Variants in PPP1R1C observed in about 807,000 individuals in gnomAD.
The protein encoded by PPP1R1C is protein phosphatase 1 regulatory inhibitor subunit 1C.
Under a neutral mutation model 17.4 loss-of-function variants are expected in PPP1R1C, and 15 were observed. The observed-to-expected ratio is 0.86, with a 90% confidence interval of 0.58 to 1.33. The LOEUF is 1.33. Among genes scored for constraint, PPP1R1C ranks in the 40% most tolerant of loss-of-function variants. The pLI is 0.00. For synonymous variants in PPP1R1C, 35 were observed against 43.1 expected (o/e 0.81, Z 0.73); for missense variants, 143 against 130.0 (o/e 1.10, Z -0.48).
At chr2:181,995,145 G>C (rs543735890) in intron 2 of PPP1R1C, among the ~76,000 whole-genome samples, 1 of 152,222 alleles carries the variant, frequency 6.6e-6, no homozygotes, top group South Asian at 2.1e-4. Flanking sequence ...CATTTTTGTA[G>C]TAAAAACAAT....
chr2:182,053,723 T>G (rs972585893), intron 2 of PPP1R1C, among the ~76,000 whole-genome samples: 1 of 151,990 alleles, frequency 6.6e-6, no homozygotes, highest in Admixed American at 6.6e-5. Flanking sequence ...TATCCTCTCA[T>G]TCTAAATCTG....
intron 4 of PPP1R1C, among the ~76,000 whole-genome samples, chr2:182,067,412 A>G (rs1021925717): frequency 1.3e-5 from 2 of 152,134 alleles, no homozygotes; most frequent in Non-Finnish European, 2.9e-5. Flanking sequence ...GAGCAAATCA[A>G]CCTGGACAAA....
intron 1 of PPP1R1C, among the ~76,000 whole-genome samples, chr2:181,974,746 A>G (rs1463855087): frequency 1.3e-5 from 2 of 152,232 alleles, no homozygotes; most frequent in Non-Finnish European, 2.9e-5. Flanking sequence ...TTGCCTGAGA[A>G]CTATAAATCA....
chr2:182,025,466 T>A (rs1242356696), intron 2 of PPP1R1C, among the ~76,000 whole-genome samples: 1 of 114,564 alleles, frequency 8.7e-6, no homozygotes, highest in Non-Finnish European at 1.8e-5. Flanking sequence ...GTGTTTGGTT[T>A]TTTGTTCTTG....
chr2:182,027,966 C>T lies in PPP1R1C; in HGVS notation c.143-33476C>T, dbSNP rs1377138157. 3.1e-5 allele frequency among the ~76,000 whole-genome samples: 4 copies of T among 128,492 alleles called. 1 individual carries two copies. Among genetic ancestry groups the T allele is most frequent in the African/African-American group, 1.2e-4 (4 of 33,918 alleles). 84.3% of individuals were successfully genotyped at this position (128,492 alleles called of 152,430 possible). A position where few individuals can be genotyped will look rare whatever the true frequency, so the allele number is the denominator to read the frequency against. On this transcript the variant is annotated intron_variant, in intron 2 of 4. Coordinates refer to ENST00000682840, the MANE Select transcript of PPP1R1C (RefSeq NM_001080545.3). ...AGAGTGTATGTGTCGAGGAATTTAT[C>T]CATTTCTTCTAGATTTTCTAGTTTA... is the stretch of plus-strand genomic sequence containing the variant.
rs1574339898 is a variant in PPP1R1C at position 181,961,954 on chromosome 2, G to A, written n.111+7320G>A. 2.7e-6 allele frequency: 2 copies of A among 738,654 alleles called. No homozygotes were observed. The highest frequency in any genetic ancestry group is 1.7e-5 in the Admixed American group (1 of 57,936). 45.8% of individuals were successfully genotyped at this position (738,654 alleles called of 1,614,324 possible). On this transcript the variant is annotated intron_variant and non_coding_transcript_variant, in intron 1 of 5. Transcript: ENST00000464264. The surrounding 1 kb of genome is among the most constrained non-coding windows in gnomAD (Gnocchi z 5.8). ...CATGGATGTCACTCCCCACAGACGG[G>A]TGCATGGCCAGCTCTGTCTCATACT...
chr2:181,991,507 G>A (rs933054558), intron 2 of PPP1R1C, among the ~76,000 whole-genome samples: 2 of 152,112 alleles, frequency 1.3e-5, no homozygotes, highest in African/African-American at 4.8e-5. Flanking sequence ...CATGAGTCAG[G>A]GAAAGTTTAG....
At chr2:182,111,370 G>A (rs1046375741) in intron 4 of PPP1R1C, among the ~76,000 whole-genome samples, 2 of 152,154 alleles carry the variant, frequency 1.3e-5, no homozygotes, top group African/African-American at 2.4e-5. Context: ...AGGATCATGT[G>A]TTGATTTGCA....
chr2:182,083,203 C>T (rs541146011), intron 4 of PPP1R1C, among the ~76,000 whole-genome samples: 1 of 152,206 alleles, frequency 6.6e-6, no homozygotes, highest in East Asian at 1.9e-4. Context: ...TTTCAGTCTT[C>T]AAAACAAAGA....
chr2:182,081,648 T>C (rs567741629), intron 4 of PPP1R1C, among the ~76,000 whole-genome samples: 1 of 152,284 alleles, frequency 6.6e-6, no homozygotes, highest in Non-Finnish European at 1.5e-5. Flanking sequence ...TGAACTTCGA[T>C]AACTTCTGGA....
chr2:182,055,928 C>T (rs1203311949), intron 2 of PPP1R1C, among the ~76,000 whole-genome samples: 1 of 152,168 alleles, frequency 6.6e-6, no homozygotes, highest in East Asian at 1.9e-4. Flanking sequence ...TAATTTTCAA[C>T]TCCTTGTGAA....
Position 181,961,132 on chromosome 2 carries a change from T to G in PPP1R1C, n.111+6498T>G. The G allele has an allele frequency of 1.8e-6, 1 of 559,076 alleles. No homozygotes were observed. 34.6% of individuals were successfully genotyped at this position (559,076 alleles called of 1,614,324 possible). ...GTTTTCTTGTCTTCCTTCCCTCCCT[T>G]CCTTCCTTCCTTTCACCTCTGAACT... On this transcript the variant is annotated intron_variant and non_coding_transcript_variant, in intron 1 of 5. Coordinates refer to the PPP1R1C transcript ENST00000464264. The surrounding 1 kb of genome is among the most constrained non-coding windows in gnomAD (Gnocchi z 5.8).
chr2:182,020,076 C>T (rs1472441866), intron 2 of PPP1R1C, among the ~76,000 whole-genome samples: 1 of 152,168 alleles, frequency 6.6e-6, no homozygotes, highest in Non-Finnish European at 1.5e-5. Flanking sequence ...TCATTAGAGA[C>T]ATAATTAGTT....
chr2:182,048,067 C>A (rs961288881), intron 2 of PPP1R1C, among the ~76,000 whole-genome samples: 1 of 152,204 alleles, frequency 6.6e-6, no homozygotes, highest in African/African-American at 2.4e-5. Flanking sequence ...AGGTTGTGTT[C>A]CCACTTTCAT....
At chr2:182,114,320 G>T (rs1220742643) in intron 4 of PPP1R1C, among the ~76,000 whole-genome samples, 1 of 152,148 alleles carries the variant, frequency 6.6e-6, no homozygotes, top group East Asian at 1.9e-4. Flanking sequence ...GAAGCTCTGA[G>T]AATTTCAACA....
intron 4 of PPP1R1C, among the ~76,000 whole-genome samples, chr2:182,075,028 G>C (rs1031214837): frequency 6.6e-6 from 1 of 152,118 alleles, no homozygotes; most frequent in Non-Finnish European, 1.5e-5. Flanking sequence ...ATGTTCAAAG[G>C]TTAGAATTTC....
At chr2:182,042,721 C>T (rs536679121) in intron 2 of PPP1R1C, among the ~76,000 whole-genome samples, 1 of 152,282 alleles carries the variant, frequency 6.6e-6, no homozygotes, top group Admixed American at 6.5e-5. Flanking sequence ...ATGCCTTATA[C>T]CTTGGTCTGG....
chr2:182,006,527 A>G (rs1206249942), intron 2 of PPP1R1C, among the ~76,000 whole-genome samples: 2 of 152,218 alleles, frequency 1.3e-5, no homozygotes, highest in Non-Finnish European at 2.9e-5. Flanking sequence ...GGCCCGAAGG[A>G]TAAGTGTTGC....
intron 4 of PPP1R1C, among the ~76,000 whole-genome samples, chr2:182,106,641 T>C (rs536641556): frequency 1.3e-5 from 2 of 152,306 alleles, no homozygotes; most frequent in South Asian, 4.1e-4. Flanking sequence ...TTTGGTACAC[T>C]TGGGCAAGAA....
Sources: gnomAD v4.1 joint callset for allele counts (sites outside exome capture counted in the v4.1 genomes callset) on GRCh38, gnomAD v4.1.1 for gene constraint, Gnocchi (gnomAD v3.1) non-coding constraint, MANE v1.5 for transcripts, NCBI Gene and HGNC (gene_info 2026-07-23, HGNC 2026-07-21) for gene names.